The following TAS2R1 variants were observed in gnomAD, a reference collection of about 807,000 sequenced individuals.
The protein encoded by TAS2R1 is taste receptor type 2 member 1.
For synonymous variants in TAS2R1, 141 were observed against 134.2 expected (o/e 1.05, Z -0.35); for missense variants, 370 against 353.4 (o/e 1.05, Z -0.38).
chr5:9,711,263 G>A (rs1402796220), intron 1 of TAS2R1, among the ~76,000 whole-genome samples: 2 of 152,072 alleles, frequency 1.3e-5, no homozygotes, highest in African/African-American at 4.8e-5. Context: ...GGAAACAACT[G>A]AAATGTCCAT....
chr5:9,801,739 G>A, the TAS2R1 span, among the ~76,000 whole-genome samples: 2 of 152,272 alleles, frequency 1.3e-5, no homozygotes, highest in Admixed American at 1.3e-4. Flanking sequence ...TCAGGAGGGG[G>A]CAAGGCCTGT....
At chr5:9,864,120 C>T in the TAS2R1 span, among the ~76,000 whole-genome samples, 1 of 152,194 alleles carries the variant, frequency 6.6e-6, no homozygotes, top group Non-Finnish European at 1.5e-5. Flanking sequence ...AGAGGGAGCC[C>T]TGTCCTGCTC....
the TAS2R1 span, among the ~76,000 whole-genome samples, chr5:9,843,050 G>A: frequency 2.7e-4 from 41 of 152,098 alleles, no homozygotes; most frequent in African/African-American, 9.4e-4. Flanking sequence ...TCCAACCCCA[G>A]GCTAAAAGTT....
At chr5:9,688,167 A>C (rs997321456) in intron 1 of TAS2R1, among the ~76,000 whole-genome samples, 1 of 152,206 alleles carries the variant, frequency 6.6e-6, no homozygotes, top group African/African-American at 2.4e-5. Flanking sequence ...TGTAAATAGG[A>C]ACCATAGAAC....
At chr5:9,711,448 G>A (rs1734658501) in intron 1 of TAS2R1, among the ~76,000 whole-genome samples, 1 of 152,108 alleles carries the variant, frequency 6.6e-6, no homozygotes, top group Admixed American at 6.6e-5. Flanking sequence ...AGTTATATGA[G>A]GTATCTAAAG....
the TAS2R1 span, among the ~76,000 whole-genome samples, chr5:9,790,778 G>A: frequency 6.6e-5 from 10 of 151,982 alleles, no homozygotes; most frequent in East Asian, 1.9e-4. Flanking sequence ...ACAGTCACTC[G>A]CTACCACGCC....
At chr5:9,755,240 A>G in the TAS2R1 span, among the ~76,000 whole-genome samples, 2 of 152,152 alleles carry the variant, frequency 1.3e-5, no homozygotes, top group East Asian at 3.9e-4. Flanking sequence ...TGCAAAAGAA[A>G]GAATTTAGGG....
At chr5:9,851,077 G>T in the TAS2R1 span, among the ~76,000 whole-genome samples, 75 of 152,278 alleles carry the variant, frequency 4.9e-4, no homozygotes, top group African/African-American at 1.8e-3. Flanking sequence ...GACCTGAGAT[G>T]TCTATTGCTG....
the TAS2R1 span, among the ~76,000 whole-genome samples, chr5:9,744,058 A>G: frequency 2.0e-5 from 3 of 152,150 alleles, no homozygotes; most frequent in African/African-American, 7.2e-5. Context: ...GTTAGACCAG[A>G]TCACTCTGCA....
intron 1 of TAS2R1, among the ~76,000 whole-genome samples, chr5:9,687,850 C>T (rs1410949809): frequency 6.6e-6 from 1 of 152,208 alleles, no homozygotes; most frequent in Non-Finnish European, 1.5e-5. Context: ...TTGCCAGGAT[C>T]CAAGCCTCCA....
chr5:9,889,059 A>G, the TAS2R1 span, among the ~76,000 whole-genome samples: 1 of 152,208 alleles, frequency 6.6e-6, no homozygotes, highest in African/African-American at 2.4e-5. Context: ...TATGAGAGCA[A>G]CCATTCTCAG....
chr5:9,821,770 G>T, the TAS2R1 span, among the ~76,000 whole-genome samples: 24 of 152,290 alleles, frequency 1.6e-4, no homozygotes, highest in African/African-American at 5.3e-4. Context: ...ATTGTATCAG[G>T]TTTATTAAAT....
At chr5:9,888,334 G>C in the TAS2R1 span, among the ~76,000 whole-genome samples, 2 of 152,044 alleles carry the variant, frequency 1.3e-5, no homozygotes, top group Non-Finnish European at 2.9e-5. Context: ...GTCACAAAGA[G>C]TGCATCTCCA....
At chr5:9,840,861 T>TTTA in the TAS2R1 span, among the ~76,000 whole-genome samples, 1 of 3,594 alleles carries the variant, frequency 2.8e-4, no homozygotes. Flanking sequence ...TTATTTATTT[T>TTTA]TTTTTTTTTT....
At chr5:9,776,683 T>C in the TAS2R1 span, among the ~76,000 whole-genome samples, 4 of 152,328 alleles carry the variant, frequency 2.6e-5, no homozygotes, top group African/African-American at 9.6e-5. Flanking sequence ...TTCAGCTTAA[T>C]GACGTGGCTT....
the TAS2R1 span, among the ~76,000 whole-genome samples, chr5:9,871,368 G>A: frequency 3.4e-4 from 52 of 152,280 alleles, no homozygotes; most frequent in Non-Finnish European, 7.2e-4. Flanking sequence ...ATTCATATAA[G>A]CATCATATTT....
chr5:9,872,224 A>T, the TAS2R1 span, among the ~76,000 whole-genome samples: 1 of 152,210 alleles, frequency 6.6e-6, no homozygotes, highest in Admixed American at 6.5e-5. Flanking sequence ...AGAGAGCTCA[A>T]CAATGATGCA....
At chr5:9,697,976 T>G (rs555255444) in intron 1 of TAS2R1, among the ~76,000 whole-genome samples, 3 of 152,124 alleles carry the variant, frequency 2.0e-5, no homozygotes, top group Non-Finnish European at 4.4e-5. Flanking sequence ...GAAAATTATT[T>G]AAAAAATTTC....
the TAS2R1 span, among the ~76,000 whole-genome samples, chr5:9,894,491 G>T: frequency 6.6e-6 from 1 of 152,094 alleles, no homozygotes; most frequent in East Asian, 1.9e-4. Context: ...ACCGTGGGAG[G>T]ACATGGCGAG....
Sources: allele counts gnomAD v4.1 joint callset (sites outside exome capture counted in the v4.1 genomes callset), GRCh38; gene constraint gnomAD v4.1.1; transcripts MANE v1.5; gene names NCBI Gene and HGNC (gene_info 2026-07-23, HGNC 2026-07-21).